Variants in PAK5 observed in about 807,000 individuals in gnomAD.
PAK5 encodes p21 (RAC1) activated kinase 5, also known as serine/threonine-protein kinase PAK 5.
PAK5 carries 16 observed loss-of-function variants against 65.9 expected under a neutral mutation model. That is an observed-to-expected ratio of 0.24 (90% CI 0.16 to 0.37). The LOEUF is 0.37. Among genes scored for constraint, PAK5 ranks in the 10% least tolerant of loss-of-function variants. The pLI, the probability that PAK5 is intolerant of heterozygous loss-of-function variation, is 1.00. For synonymous variants in PAK5, 371 were observed against 354.9 expected (o/e 1.05, Z -0.51); for missense variants, 785 against 903.9 (o/e 0.87, Z 1.69).
chr20:9,685,487 T>C (rs2423420), intron 2 of PAK5, among the ~76,000 whole-genome samples: 50,715 of 151,772 alleles, frequency 0.33, 10,041 homozygotes, highest in African/African-American at 0.56. Context: ...ACAAGGAGAG[T>C]AAAAGATTGC....
At chr20:9,608,955 A>G (rs994312601) in intron 3 of PAK5, among the ~76,000 whole-genome samples, 5 of 152,234 alleles carry the variant, frequency 3.3e-5, no homozygotes, top group Admixed American at 1.3e-4. Context: ...CTTCAACATG[A>G]TGAAGAATAA....
At chr20:9,586,778 C>T (rs2046077255) in intron 3 of PAK5, among the ~76,000 whole-genome samples, 1 of 152,238 alleles carries the variant, frequency 6.6e-6, no homozygotes, top group African/African-American at 2.4e-5. Flanking sequence ...GGGACCTGCT[C>T]TTTCTGTGCA....
chr20:9,566,588 CG>C (rs1317538724), intron 4 of PAK5, among the ~76,000 whole-genome samples: 1 of 152,060 alleles, frequency 6.6e-6, no homozygotes, highest in African/African-American at 2.4e-5. Flanking sequence ...GGTTACTTCA[CG>C]TGTGTCATAT....
chr20:9,677,172 T>C (rs1186482700), intron 2 of PAK5, among the ~76,000 whole-genome samples: 2 of 152,142 alleles, frequency 1.3e-5, no homozygotes, highest in African/African-American at 4.8e-5. Flanking sequence ...ATATTCTCTT[T>C]CACTTCATAA....
intron 3 of PAK5, among the ~76,000 whole-genome samples, chr20:9,586,174 T>C (rs2046065754): frequency 1.3e-5 from 2 of 152,172 alleles, no homozygotes; most frequent in Non-Finnish European, 2.9e-5. Flanking sequence ...TATTAGTTCA[T>C]CTTCACAAAT....
chr20:9,680,611 T>C (rs1285660779), intron 2 of PAK5, among the ~76,000 whole-genome samples: 4 of 152,186 alleles, frequency 2.6e-5, no homozygotes, highest in South Asian at 2.1e-4. Flanking sequence ...CTCCTTGGCA[T>C]TTCTACCCTG....
intron 1 of PAK5, among the ~76,000 whole-genome samples, chr20:9,794,571 T>C: frequency 6.6e-6 from 1 of 152,036 alleles, no homozygotes; most frequent in South Asian, 2.1e-4. Flanking sequence ...GCAAGACATA[T>C]GCACTGTGAT....
chr20:9,548,697 G>C (rs1273485926), intron 7 of PAK5, among the ~76,000 whole-genome samples: 1 of 152,136 alleles, frequency 6.6e-6, no homozygotes, highest in Non-Finnish European at 1.5e-5. Context: ...ATACATAATA[G>C]TATACCAGGT....
chr20:9,540,671 A>C (rs2045246725), intron 9 of PAK5, among the ~76,000 whole-genome samples: 1 of 151,764 alleles, frequency 6.6e-6, no homozygotes, highest in Non-Finnish European at 1.5e-5. Context: ...GTTCTTGTAC[A>C]TGGTTTTGAA....
chr20:9,750,357 A>G (rs1358168812), intron 1 of PAK5, among the ~76,000 whole-genome samples: 1 of 152,192 alleles, frequency 6.6e-6, no homozygotes, highest in Non-Finnish European at 1.5e-5. Flanking sequence ...TAATTTTAAA[A>G]TTATAGTAAT....
intron 2 of PAK5, among the ~76,000 whole-genome samples, chr20:9,699,769 A>G (rs1420908911): frequency 6.6e-6 from 1 of 152,100 alleles, no homozygotes; most frequent in East Asian, 1.9e-4. Flanking sequence ...ATATCGTGTC[A>G]CATGGGGAAT....
chr20:9,616,318 A>G (rs935655962), intron 3 of PAK5, among the ~76,000 whole-genome samples: 3 of 152,166 alleles, frequency 2.0e-5, no homozygotes, highest in African/African-American at 7.2e-5. Flanking sequence ...AAGCACAGAG[A>G]GTTTCAGGTG....
intron 2 of PAK5, among the ~76,000 whole-genome samples, chr20:9,649,059 T>C (rs1213410660): frequency 1.3e-5 from 2 of 152,236 alleles, no homozygotes; most frequent in Non-Finnish European, 2.9e-5. Context: ...TGTGTAGGTA[T>C]GTTTCAGTAC....
intron 3 of PAK5, among the ~76,000 whole-genome samples, chr20:9,631,923 C>T (rs1246618093): frequency 6.6e-6 from 1 of 152,122 alleles, no homozygotes; most frequent in Admixed American, 6.6e-5. Flanking sequence ...CTTAAAATTA[C>T]ACAATAAAAC....
At chr20:9,738,783 C>T (rs2048419468) in intron 1 of PAK5, among the ~76,000 whole-genome samples, 1 of 151,506 alleles carries the variant, frequency 6.6e-6, no homozygotes, top group Non-Finnish European at 1.5e-5. Flanking sequence ...CATATGTCAA[C>T]ATGTATCAAA....
intron 1 of PAK5, among the ~76,000 whole-genome samples, chr20:9,781,162 C>T (rs192188145): frequency 6.6e-6 from 1 of 152,258 alleles, no homozygotes; most frequent in Admixed American, 6.5e-5. Flanking sequence ...ATTGACTATA[C>T]ATCTAATGGG....
At chr20:9,813,705 A>G (rs2123759594) in intron 1 of PAK5, among the ~76,000 whole-genome samples, 2 of 152,282 alleles carry the variant, frequency 1.3e-5, no homozygotes, top group East Asian at 3.9e-4. Context: ...AATCTTACTA[A>G]TAACATAGTG....
At chr20:9,557,562 A>G in intron 7 of PAK5, 46 bp downstream of exon 7, 1 of 1,549,872 alleles carries the variant, frequency 6.5e-7, no homozygotes, top group Non-Finnish European at 8.8e-7. Flanking sequence ...CATGACAGAC[A>G]GAGTGACAAG....
At chr20:9,603,037 A>G (rs1166190839) in intron 3 of PAK5, among the ~76,000 whole-genome samples, 1 of 152,224 alleles carries the variant, frequency 6.6e-6, no homozygotes, top group Non-Finnish European at 1.5e-5. Flanking sequence ...ATTTTATCTT[A>G]GCAAAGAACC....
Sources: allele counts gnomAD v4.1 joint callset (sites outside exome capture counted in the v4.1 genomes callset), GRCh38; gene constraint gnomAD v4.1.1; transcripts MANE v1.5; gene names NCBI Gene and HGNC (gene_info 2026-07-23, HGNC 2026-07-21).